RECK: variants seen among roughly 807,000 people sequenced by gnomAD.
RECK encodes the protein reversion inducing cysteine rich protein with kazal motifs.
RECK carries 69 observed loss-of-function variants against 115.1 expected under a neutral mutation model. The observed-to-expected ratio is 0.60, with a 90% CI of 0.49 to 0.73. The LOEUF is 0.73. Among genes scored for constraint, RECK ranks in the 30% least tolerant of loss-of-function variants. RECK has a pLI of 0.00. For missense variants in RECK, 1,047 were observed against 1,203.7 expected (o/e 0.87, Z 1.93); for synonymous variants, 414 against 419.7 (o/e 0.99, Z 0.17).
At chr9:36,051,035 C>T (rs182024156) in intron 1 of RECK, among the ~76,000 whole-genome samples, 1 of 151,988 alleles carries the variant, frequency 6.6e-6, no homozygotes, top group African/African-American at 2.4e-5. Context: ...TGTATATATA[C>T]ATATATAGTT....
chr9:36,059,179 G>A (rs934506967), intron 3 of RECK, among the ~76,000 whole-genome samples: 19 of 151,866 alleles, frequency 1.3e-4, no homozygotes, highest in African/African-American at 4.4e-4. Context: ...ATCTGGGGTC[G>A]GGCGTGGTGG....
chr9:36,096,630 A>G (rs532054132), intron 10 of RECK, among the ~76,000 whole-genome samples: 2 of 152,162 alleles, frequency 1.3e-5, no homozygotes, highest in South Asian at 4.1e-4. Context: ...GGAGGGGGAA[A>G]AAATGAACCT....
At chr9:36,096,036 C>A (rs1381500706) in intron 10 of RECK, among the ~76,000 whole-genome samples, 2 of 149,676 alleles carry the variant, frequency 1.3e-5, no homozygotes, top group Non-Finnish European at 3.0e-5. Flanking sequence ...TCATTGCACT[C>A]CAGCCTGGGC....
At chr9:36,075,578 A>G (rs188188797) in intron 6 of RECK, among the ~76,000 whole-genome samples, 63 of 152,360 alleles carry the variant, frequency 4.1e-4, no homozygotes, top group Non-Finnish European at 7.3e-4. Context: ...TCCACAAGGA[A>G]AAAACACCTT....
Position 36,102,110 on chromosome 9 carries a change from A to T in RECK, c.1315A>T (p.Ile439Phe). The T allele has an allele frequency of 1.2e-6, 2 of 1,612,814 alleles. No individual in the cohort carries two copies. Among genetic ancestry groups the T allele is most frequent in the Non-Finnish European group, 1.7e-6 (2 of 1,179,638 alleles). ...TTTTTCAAGATCAGATTGTGTGGAG[A>T]TTCTTAAAAAATGTGGAGACCAGAA... Reference protein sequence around the residue: ...SIICKSDCVEILKKCGDQNKF... With the variant: ...SIICKSDCVEFLKKCGDQNKF... Residue 439 changes from isoleucine (I) to phenylalanine (F), a missense_variant, in exon 12 of 21, where the codon ATT becomes TTT. Physicochemically the swap from Ile to Phe is conservative, Grantham distance 21. Transcript: ENST00000377966.
chr9:36,107,008 A>G (rs966115114), intron 13 of RECK, among the ~76,000 whole-genome samples: 7 of 148,796 alleles, frequency 4.7e-5, no homozygotes. Context: ...CAGGAGACTG[A>G]GGCAGGAGAA....
At chr9:36,087,673 A>C (rs1300526402) in intron 8 of RECK, 21 bp from the exon 9 acceptor site, 1 of 1,602,410 alleles carries the variant, frequency 6.2e-7, no homozygotes, top group Non-Finnish European at 8.5e-7. Context: ...TAATTAAGCC[A>C]CTTATATTCT....
intron 1 of RECK, among the ~76,000 whole-genome samples, chr9:36,041,289 A>T (rs143836379): frequency 5.6e-4 from 86 of 152,386 alleles, no homozygotes; most frequent in African/African-American, 1.9e-3. Flanking sequence ...GCTGTAAAGC[A>T]CATAGGTAAC....
chr9:36,037,023 C>G lies in RECK; in HGVS notation c.25C>G (p.Arg9Gly). The G allele has an allele frequency of 7.0e-7, 1 of 1,428,730 alleles. No individual in the cohort carries two copies. The highest frequency in any genetic ancestry group is 1.4e-5 in the South Asian group (1 of 70,554). The allele number at this position is 1,428,730 out of a possible 1,614,324, so 88.5% of individuals were successfully genotyped here. ...CATGGCGACCGTCCGGGCCTCTCTG[C>G]GAGGTGCGCTGCTCCTTCTGCTGGC... The part of the protein sequence containing the change: MATVRASL[R>G]GALLLLLAVA... The change falls in exon 1 of 21, where the codon CGA (arginine) becomes GGA (glycine). Residue 9 changes from arginine (R) to glycine (G), a missense_variant. Arg to Gly is a moderately radical substitution (Grantham distance 125, BLOSUM62 -2). Transcript: ENST00000377966.
chr9:36,088,641 T>C (rs1823051194), intron 9 of RECK, among the ~76,000 whole-genome samples: 1 of 152,240 alleles, frequency 6.6e-6, no homozygotes, highest in Non-Finnish European at 1.5e-5. Flanking sequence ...GGTTTCTAAA[T>C]TGGATGGACC....
intron 5 of RECK, among the ~76,000 whole-genome samples, 171 bp from the exon 6 acceptor site, chr9:36,065,406 A>G (rs1463116603): frequency 2.0e-5 from 3 of 152,194 alleles, no homozygotes; most frequent in Admixed American, 6.5e-5. Context: ...AAGAAATTGC[A>G]TGAAATTTGT....
Position 36,065,579 on chromosome 9 carries a change from A to T in RECK, c.360A>T (p.Ala120=). The T allele has an allele frequency of 6.3e-7, 1 of 1,584,534 alleles. No homozygotes were observed. The highest frequency in any genetic ancestry group is 8.6e-7 in the Non-Finnish European group (1 of 1,168,120). ...ALECRQACKQ[A]SSKNDISKVC... ...TGGAGAAATTTGTTGGTTTTTAGGC[A>T]TCTTCAAAGAATGATATTTCCAAAG... Residue 120 remains alanine, a splice_region_variant and synonymous_variant, in exon 6 of 21, where the codon GCA becomes GCT. Coordinates refer to ENST00000377966, the MANE Select transcript of RECK (RefSeq NM_021111.3).
At chr9:36,064,178 A>G (rs1466666338) in intron 5 of RECK, among the ~76,000 whole-genome samples, 1 of 152,194 alleles carries the variant, frequency 6.6e-6, no homozygotes, top group Non-Finnish European at 1.5e-5. Flanking sequence ...TGCTGAATCA[A>G]TGCTGATGAT....
At chr9:36,043,191 A>ATTTTTTTTTTTT (rs761649232) in intron 1 of RECK, among the ~76,000 whole-genome samples, 13 of 53,988 alleles carry the variant, frequency 2.4e-4, no homozygotes, top group Non-Finnish European at 3.2e-4. Context: ...CGCCTGGCTA[A>ATTTTTTTTTTTT]TTTTTTTTTT....
intron 9 of RECK, among the ~76,000 whole-genome samples, chr9:36,089,770 A>C (rs1323910485): frequency 6.6e-6 from 1 of 152,186 alleles, no homozygotes; most frequent in Admixed American, 6.5e-5. Flanking sequence ...ATATACAAGT[A>C]TTCTAAAATC....
rs1564137993 is a variant in RECK at position 36,117,154 on chromosome 9, C to T, written c.2230C>T (p.Leu744Phe). Residue 744 changes from leucine to phenylalanine, a missense_variant, in exon 17 of 21, where the codon CTC (leucine) becomes TTC (phenylalanine). By Grantham distance (22) the Leu-to-Phe change is conservative. Transcript: ENST00000377966. ...LCTLYQRGKS[L>F]SYKGPCQPFC... ...CACTTTATACCAAAGAGGAAAAAGC[C>T]TCTCTTACAAAGGTCCCTGCCAGGT... The T allele has an allele frequency of 1.9e-6, 3 of 1,612,526 alleles. No individual in the cohort carries two copies. Among genetic ancestry groups the T allele is most frequent in the Non-Finnish European group, 2.5e-6 (3 of 1,178,978 alleles).
intron 16 of RECK, among the ~76,000 whole-genome samples, chr9:36,115,557 C>G (rs1321864224): frequency 6.6e-6 from 1 of 151,932 alleles, no homozygotes; most frequent in African/African-American, 2.4e-5. Flanking sequence ...CAAATTTCTC[C>G]TGATATTCCT....
intron 5 of RECK, 79 bp downstream of exon 5, chr9:36,063,959 C>A: frequency 7.3e-7 from 1 of 1,360,632 alleles, no homozygotes; most frequent in African/African-American, 1.4e-5. Flanking sequence ...GGGCCTTGCC[C>A]ACCTCCTAGC....
At chr9:36,078,136 G>T (rs1822528198) in intron 6 of RECK, among the ~76,000 whole-genome samples, 2 of 152,264 alleles carry the variant, frequency 1.3e-5, no homozygotes, top group South Asian at 4.1e-4. Flanking sequence ...TCCAAAAACA[G>T]GTGGCAGGCA....
Sources: gnomAD v4.1 joint callset for allele counts (sites outside exome capture counted in the v4.1 genomes callset) on GRCh38, gnomAD v4.1.1 for gene constraint, MANE v1.5 for transcripts, NCBI Gene and HGNC (gene_info 2026-07-23, HGNC 2026-07-21) for gene names.